FBN2: variants seen among roughly 807,000 people sequenced by gnomAD.
The protein encoded by FBN2 is fibrillin 2.
In FBN2, 105 loss-of-function variants were observed where a neutral mutation model predicts 355.6. The observed-to-expected ratio is 0.30, with a 90% CI of 0.25 to 0.35. The LOEUF (loss-of-function observed/expected upper bound fraction) is 0.35. Ranked by LOEUF, FBN2 falls within the 10% of genes least tolerant of loss-of-function variation. The pLI, the probability that FBN2 is intolerant of heterozygous loss-of-function variation, is 1.00. For missense variants in FBN2, 3,280 were observed against 3,758.7 expected, an observed-to-expected ratio of 0.87 and a Z score of 3.33; for synonymous variants, 1,350 against 1,301.2, an observed-to-expected ratio of 1.04 and a Z score of -0.81.
At position 128,423,674 on chromosome 5, in the gene FBN2, G is replaced by C. The variant is rs1215864009; in HGVS notation, c.953-14875C>G. On this transcript the variant is annotated intron_variant, in intron 7 of 64. Coordinates refer to ENST00000262464, the MANE Select transcript of FBN2 (RefSeq NM_001999.4). ...TCTGAATCAGAATGTGTGAAAAGAAGTTAGGCTGGAGAGGTAAACAGAATG... is the reference window on the plus strand; with the variant it reads ...TCTGAATCAGAATGTGTGAAAAGAACTTAGGCTGGAGAGGTAAACAGAATG... 3.3e-5 allele frequency among the ~76,000 whole-genome samples: 5 copies of C among 152,142 alleles called. No homozygotes were observed. In the South Asian group the frequency reaches 1.0e-3, roughly 32 times the overall value.
At chr5:128,456,906 T>A (rs1754410764) in intron 6 of FBN2, among the ~76,000 whole-genome samples, 1 of 152,100 alleles carries the variant, frequency 6.6e-6, no homozygotes, top group Non-Finnish European at 1.5e-5. Context: ...TCCAAATGAC[T>A]GCAACATCTC....
chr5:128,266,610 C>G (rs1414123614), intron 62 of FBN2, among the ~76,000 whole-genome samples: 1 of 152,096 alleles, frequency 6.6e-6, no homozygotes, highest in African/African-American at 2.4e-5. Flanking sequence ...TGTTCAGAAA[C>G]AAAAACTTCA....
At chr5:128,333,566 CTA>C (rs1235634785) in intron 31 of FBN2, among the ~76,000 whole-genome samples, 2 of 151,586 alleles carry the variant, frequency 1.3e-5, no homozygotes, top group African/African-American at 2.4e-5. Context: ...TTAAAAAAAA[CTA>C]TTCATTTAGG....
intron 34 of FBN2, among the ~76,000 whole-genome samples, chr5:128,323,160 G>A (rs926858179): frequency 4.6e-5 from 7 of 152,168 alleles, no homozygotes; most frequent in South Asian, 2.1e-4. Flanking sequence ...ATTTTGGGCC[G>A]AGATGATGCG....
intron 48 of FBN2, among the ~76,000 whole-genome samples, chr5:128,295,925 G>A (rs1415782619): frequency 6.9e-6 from 1 of 144,450 alleles, no homozygotes; most frequent in Admixed American, 6.9e-5. Context: ...AGTTTTCAAA[G>A]GGAATGCTTC....
chr5:128,489,574 T>A (rs775106666), intron 5 of FBN2, among the ~76,000 whole-genome samples: 4 of 152,180 alleles, frequency 2.6e-5, no homozygotes, highest in Non-Finnish European at 4.4e-5. Flanking sequence ...TGAGAAATGA[T>A]AAAATGATTT....
At chr5:128,396,706 T>C (rs978783187) in intron 8 of FBN2, among the ~76,000 whole-genome samples, 4 of 152,266 alleles carry the variant, frequency 2.6e-5, no homozygotes, top group Non-Finnish European at 5.9e-5. Flanking sequence ...GTAAACTTTA[T>C]GGGTTATAAC....
chr5:128,453,668 A>G (rs1754314726), intron 6 of FBN2, among the ~76,000 whole-genome samples: 1 of 151,658 alleles, frequency 6.6e-6, no homozygotes, highest in Non-Finnish European at 1.5e-5. Flanking sequence ...CAGTTTTTAT[A>G]TGCAGGCCTT....
At chr5:128,302,447 G>A (rs369497917) in intron 46 of FBN2, among the ~76,000 whole-genome samples, 3 of 152,120 alleles carry the variant, frequency 2.0e-5, no homozygotes, top group Non-Finnish European at 4.4e-5. Context: ...CCTGTATGGC[G>A]CATAGGAGAT....
intron 6 of FBN2, among the ~76,000 whole-genome samples, chr5:128,448,919 A>T (rs1340263118): frequency 1.3e-5 from 2 of 152,080 alleles, no homozygotes; most frequent in Non-Finnish European, 2.9e-5. Flanking sequence ...TATTAATTTC[A>T]TCCACATAGG....
intron 23 of FBN2, 61 bp from the exon 24 acceptor site, chr5:128,345,645 T>A (rs894604826): frequency 4.1e-6 from 6 of 1,460,396 alleles, no homozygotes; most frequent in Non-Finnish European, 5.8e-6. Flanking sequence ...AACAGTCACA[T>A]GTCAAGCGTC....
At chr5:128,347,517 C>T (rs1254749772) in intron 23 of FBN2, among the ~76,000 whole-genome samples, 8 of 152,156 alleles carry the variant, frequency 5.3e-5, no homozygotes, top group Non-Finnish European at 4.4e-5. Context: ...TCCCTGTTGT[C>T]GCGTCACTCA....
intron 6 of FBN2, among the ~76,000 whole-genome samples, chr5:128,456,301 G>A (rs1440285201): frequency 6.6e-6 from 1 of 152,056 alleles, no homozygotes; most frequent in Non-Finnish European, 1.5e-5. Context: ...GATCTCCCTG[G>A]GCCTGAGCCC....
intron 48 of FBN2, among the ~76,000 whole-genome samples, chr5:128,296,307 T>C (rs1389438633): frequency 2.6e-5 from 4 of 151,990 alleles, no homozygotes; most frequent in Non-Finnish European, 5.9e-5. Context: ...TCTTTTTTGG[T>C]TGTGTCTCTG....
At chr5:128,527,405 A>G (rs10066170) in intron 4 of FBN2, among the ~76,000 whole-genome samples, 72,582 of 152,020 alleles carry the variant, frequency 0.48, 20,153 homozygotes, top group African/African-American at 0.78. Context: ...AAATATATTT[A>G]AGCAAAGGAT....
chr5:128,434,587 CCT>C (rs143527483), intron 7 of FBN2, among the ~76,000 whole-genome samples: 126 of 146,846 alleles, frequency 8.6e-4, no homozygotes, highest in Middle Eastern at 3.6e-3. Flanking sequence ...AGAAAGGTTC[CCT>C]CTCTCTCTCT....
chr5:128,435,991 A>G (rs1753759399), intron 7 of FBN2, among the ~76,000 whole-genome samples: 1 of 152,208 alleles, frequency 6.6e-6, no homozygotes, highest in South Asian at 2.1e-4. Flanking sequence ...CTTTCCATGT[A>G]AACAGTTTTG....
intron 7 of FBN2, among the ~76,000 whole-genome samples, chr5:128,432,928 G>C (rs1390993504): frequency 6.6e-6 from 1 of 151,890 alleles, no homozygotes; most frequent in Non-Finnish European, 1.5e-5. Context: ...GGCAGCAGGA[G>C]AGTAAGCCTG....
At chr5:128,466,279 T>C (rs894217878) in intron 5 of FBN2, among the ~76,000 whole-genome samples, 3 of 152,306 alleles carry the variant, frequency 2.0e-5, no homozygotes, top group Admixed American at 2.0e-4. Flanking sequence ...GTTTATTAAT[T>C]CTTGGGAATA....
Sources: allele counts gnomAD v4.1 joint callset (sites outside exome capture counted in the v4.1 genomes callset), GRCh38; gene constraint gnomAD v4.1.1; transcripts MANE v1.5; gene names NCBI Gene and HGNC (gene_info 2026-07-23, HGNC 2026-07-21).